CNTNAP2: variants seen among roughly 807,000 people sequenced by gnomAD.
CNTNAP2 encodes contactin associated protein 2.
A neutral mutation model predicts 155.2 loss-of-function variants in CNTNAP2; 98 were observed. That is an observed-to-expected ratio of 0.63 (90% CI 0.54 to 0.75). The LOEUF is 0.75. Ranked by LOEUF, CNTNAP2 falls within the 30% of genes least tolerant of loss-of-function variation. CNTNAP2 has a pLI of 0.00. For missense variants in CNTNAP2, 1,727 were observed against 1,688.1 expected (o/e 1.02, Z -0.40); for synonymous variants, 651 against 631.2 (o/e 1.03, Z -0.47).
At chr7:146,203,539 A>C (rs7798919) in intron 1 of CNTNAP2, among the ~76,000 whole-genome samples, 1 of 152,098 alleles carries the variant, frequency 6.6e-6, no homozygotes, top group East Asian at 1.9e-4. Flanking sequence ...CAAGTGTTCG[A>C]ATATCCGGAA....
At chr7:146,568,653 C>T (rs1033144854) in intron 1 of CNTNAP2, among the ~76,000 whole-genome samples, 7 of 152,092 alleles carry the variant, frequency 4.6e-5, no homozygotes, top group Non-Finnish European at 8.8e-5. Context: ...ATCATGGTTT[C>T]TGTACCTCTT....
At chr7:147,693,916 G>T (rs1262189865) in intron 13 of CNTNAP2, among the ~76,000 whole-genome samples, 1 of 151,956 alleles carries the variant, frequency 6.6e-6, no homozygotes, top group Non-Finnish European at 1.5e-5. Context: ...TCCTTACCTT[G>T]TTCCTGATCT....
At chr7:147,945,868 C>CTTTTTT (rs34305612) in intron 14 of CNTNAP2, among the ~76,000 whole-genome samples, 10 of 123,358 alleles carry the variant, frequency 8.1e-5, no homozygotes, top group African/African-American at 1.2e-4. Context: ...TTTTCTTTTT[C>CTTTTTT]TTTTTTTTTT....
chr7:146,985,585 G>A (rs991015988), intron 3 of CNTNAP2, among the ~76,000 whole-genome samples: 2 of 152,100 alleles, frequency 1.3e-5, no homozygotes, highest in Non-Finnish European at 2.9e-5. Context: ...CTCCCAAAGT[G>A]CTAGGATTAC....
chr7:147,059,838 A>C (rs1011858496), intron 4 of CNTNAP2, among the ~76,000 whole-genome samples: 1 of 152,136 alleles, frequency 6.6e-6, no homozygotes. Flanking sequence ...CTTTCTACCA[A>C]AGCATGTTAC....
chr7:147,925,152 AGAGAAG>A (rs1323017143), intron 14 of CNTNAP2, among the ~76,000 whole-genome samples: 3,614 of 107,094 alleles, frequency 0.034, 152 homozygotes, highest in African/African-American at 0.11. Flanking sequence ...AGAGAGAGAG[AGAGAAG>A]GAAGGAAGGA....
chr7:148,000,182 C>T (rs917755844), intron 15 of CNTNAP2, among the ~76,000 whole-genome samples: 1 of 152,080 alleles, frequency 6.6e-6, no homozygotes, highest in Non-Finnish European at 1.5e-5. Context: ...TGAGGACACC[C>T]ACCGCTCCCC....
chr7:146,617,764 T>C (rs1310242187), intron 1 of CNTNAP2, among the ~76,000 whole-genome samples: 1 of 152,088 alleles, frequency 6.6e-6, no homozygotes, highest in African/African-American at 2.4e-5. Context: ...AAACAAAATA[T>C]TTTTTTAAAA....
intron 12 of CNTNAP2, among the ~76,000 whole-genome samples, chr7:147,595,853 C>T (rs925954590): frequency 3.9e-5 from 6 of 152,256 alleles, no homozygotes; most frequent in African/African-American, 1.4e-4. Context: ...CAAGATGTCA[C>T]TGACCTCCAT....
At chr7:147,150,709 C>G (rs1465559312) in intron 8 of CNTNAP2, among the ~76,000 whole-genome samples, 1 of 152,144 alleles carries the variant, frequency 6.6e-6, no homozygotes, top group Non-Finnish European at 1.5e-5. Flanking sequence ...ATTGTCTACT[C>G]CTTGTTCAAC....
At chr7:146,866,251 G>C (rs1266077828) in intron 3 of CNTNAP2, among the ~76,000 whole-genome samples, 1 of 151,910 alleles carries the variant, frequency 6.6e-6, no homozygotes, top group Non-Finnish European at 1.5e-5. Context: ...ATTATCAATA[G>C]GAAATGAAAA....
At chr7:147,120,946 T>C (rs765048788) in intron 5 of CNTNAP2, 33 bp from the exon 6 acceptor site, 1 of 1,606,196 alleles carries the variant, frequency 6.2e-7, no homozygotes, top group Non-Finnish European at 8.5e-7. Flanking sequence ...ATAGCATCAT[T>C]GCATTGTTTC....
At chr7:147,781,377 G>A (rs573746662) in intron 13 of CNTNAP2, among the ~76,000 whole-genome samples, 2 of 152,260 alleles carry the variant, frequency 1.3e-5, no homozygotes, top group East Asian at 3.9e-4. Flanking sequence ...ACTCCCTGGG[G>A]CTTACACTGC....
chr7:146,505,537 C>A (rs1030787755), intron 1 of CNTNAP2, among the ~76,000 whole-genome samples: 1 of 152,172 alleles, frequency 6.6e-6, no homozygotes, highest in Non-Finnish European at 1.5e-5. Flanking sequence ...TACAGATGTT[C>A]CCTGGAGACT....
chr7:146,278,589 G>A (rs1361554320), intron 1 of CNTNAP2, among the ~76,000 whole-genome samples: 1 of 152,162 alleles, frequency 6.6e-6, no homozygotes, highest in Non-Finnish European at 1.5e-5. Context: ...CAAACACTGT[G>A]CTAGCTTCTT....
chr7:147,174,688 G>T (rs1428982501), intron 8 of CNTNAP2, among the ~76,000 whole-genome samples: 1 of 152,108 alleles, frequency 6.6e-6, no homozygotes, highest in African/African-American at 2.4e-5. Flanking sequence ...TAAGGAGCCT[G>T]CAGACTGCTT....
intron 13 of CNTNAP2, among the ~76,000 whole-genome samples, chr7:147,857,095 T>C (rs1298287386): frequency 1.3e-5 from 2 of 152,248 alleles, no homozygotes; most frequent in Non-Finnish European, 1.5e-5. Flanking sequence ...TTCAAAGTTG[T>C]TGTTGTAAAC....
At chr7:147,680,624 C>T (rs1356877648) in intron 13 of CNTNAP2, among the ~76,000 whole-genome samples, 1 of 151,818 alleles carries the variant, frequency 6.6e-6, no homozygotes, top group African/African-American at 2.4e-5. Flanking sequence ...TATTTCAATA[C>T]CTGAACTGCT....
chr7:146,950,840 C>T (rs1797296772), intron 3 of CNTNAP2, among the ~76,000 whole-genome samples: 1 of 152,122 alleles, frequency 6.6e-6, no homozygotes, highest in Non-Finnish European at 1.5e-5. Flanking sequence ...AATGGTATTT[C>T]TGGTTCTAGA....
Sources: allele counts gnomAD v4.1 joint callset (sites outside exome capture counted in the v4.1 genomes callset), GRCh38; gene constraint gnomAD v4.1.1; transcripts MANE v1.5; gene names NCBI Gene and HGNC (gene_info 2026-07-23, HGNC 2026-07-21).